MCUB: variants seen among roughly 807,000 people sequenced by gnomAD.
MCUB encodes the protein calcium uniporter regulatory subunit MCUb, mitochondrial.
MCUB carries 46 observed loss-of-function variants against 41.4 expected under a neutral mutation model. The observed-to-expected ratio is 1.11, with a 90% CI of 0.88 to 1.42. The LOEUF is 1.42. Ranked by LOEUF, MCUB falls within the 40% of genes most tolerant of loss-of-function variation. The pLI, the probability that MCUB is intolerant of heterozygous loss-of-function variation, is 0.00. For synonymous variants in MCUB, 148 were observed against 148.2 expected, an observed-to-expected ratio of 1.00 and a Z score of 0.01; for missense variants, 403 against 404.9, an observed-to-expected ratio of 1.00 and a Z score of 0.04.
intron 5 of MCUB, 85 bp downstream of exon 5, chr4:109,682,827 C>T (rs1729750452): frequency 2.0e-6 from 2 of 1,014,200 alleles, no homozygotes; most frequent in South Asian, 3.4e-5. Context: ...TTTCTGAATG[C>T]TTTCCATATG....
At chr4:109,664,531 C>G in intron 4 of MCUB, 137 bp downstream of exon 4, 1 of 556,046 alleles carries the variant, frequency 1.8e-6, no homozygotes, top group South Asian at 2.2e-5. Context: ...CTCAAACAAT[C>G]CTCCCACCTC....
At chr4:109,636,260 C>A (rs62326058) in intron 1 of MCUB, among the ~76,000 whole-genome samples, 35,742 of 152,022 alleles carry the variant, frequency 0.24, 4,914 homozygotes, top group South Asian at 0.34. Flanking sequence ...TGGGTAGATA[C>A]CCTAAAAGGT....
At chr4:109,563,571 A>G (rs543473772) in intron 1 of MCUB, among the ~76,000 whole-genome samples, 50 of 152,356 alleles carry the variant, frequency 3.3e-4, no homozygotes, top group Middle Eastern at 3.4e-3. Flanking sequence ...TGGAAAAGAC[A>G]TTGATGCTTT....
Position 109,619,030 on chromosome 4 carries a change from GCCTACCTACCTACCTACCTA to G in MCUB, c.100-39952_100-39933del, listed in dbSNP as rs762220634. The stretch of plus-strand genomic sequence containing the variant: ...TACCTACCTACCTATCTACCTGCCT[GCCTACCTACCTACCTACCTA>G]CCTACCTACCTACCTACCTACCTAC... On this transcript the variant is annotated intron_variant, in intron 1 of 7. Coordinates refer to ENST00000394650, the MANE Select transcript of MCUB (RefSeq NM_017918.5). 1.1e-3 allele frequency among the ~76,000 whole-genome samples: 135 copies of G among 118,802 alleles called. 2 individuals carry two copies. Among genetic ancestry groups the G allele is most frequent in the African/African-American group, 4.1e-3 (131 of 32,052 alleles). 77.9% of individuals were successfully genotyped at this position (118,802 alleles called of 152,430 possible).
chr4:109,653,720 G>T (rs1729015423), intron 1 of MCUB, among the ~76,000 whole-genome samples: 1 of 152,112 alleles, frequency 6.6e-6, no homozygotes, highest in Admixed American at 6.6e-5. Flanking sequence ...GGGACTACAG[G>T]CCTGCACCCT....
At chr4:109,564,031 T>C (rs181820562) in intron 1 of MCUB, among the ~76,000 whole-genome samples, 6 of 152,246 alleles carry the variant, frequency 3.9e-5, no homozygotes, top group Non-Finnish European at 8.8e-5. Flanking sequence ...CTCTCTAAAG[T>C]TTACCACAGC....
Position 109,666,582 on chromosome 4 carries a change from C to A in MCUB, c.451+2188C>A, listed in dbSNP as rs115878139. 2.9e-3 allele frequency among the ~76,000 whole-genome samples: 434 copies of A among 152,270 alleles called. 4 individuals carry two copies. Among genetic ancestry groups the A allele is most frequent in the Non-Finnish European group, 3.0e-3 (207 of 68,004 alleles). On this transcript the variant is annotated intron_variant, in intron 4 of 7. Transcript: ENST00000394650. ...ATCTCTTCATACGCCTATTTGCCATCTATGTCTTCTTTGTTGAGGTGTCTT... is the reference window on the plus strand; with the variant it reads ...ATCTCTTCATACGCCTATTTGCCATATATGTCTTCTTTGTTGAGGTGTCTT...
At chr4:109,672,090 T>A (rs1288185128) in intron 4 of MCUB, among the ~76,000 whole-genome samples, 3 of 151,868 alleles carry the variant, frequency 2.0e-5, no homozygotes, top group Admixed American at 6.6e-5. Flanking sequence ...ATATATATAT[T>A]TTTAATTGGG....
chr4:109,565,219 A>C (rs1302493350), intron 1 of MCUB, among the ~76,000 whole-genome samples: 3 of 152,232 alleles, frequency 2.0e-5, no homozygotes, highest in African/African-American at 7.2e-5. Context: ...CATAACATGC[A>C]TGGCATAGGT....
At position 109,585,798 on chromosome 4, in the gene MCUB, G is replaced by A. The variant is rs1194367443; in HGVS notation, c.99+25362G>A. On this transcript the variant is annotated intron_variant, in intron 1 of 7. Transcript: ENST00000394650. ...GGCCCCCACTGTTTTCTGGCTTGTAGAGTTTCTGCCGAGAGATCGGCTGTT... is the reference window on the plus strand; with the variant it reads ...GGCCCCCACTGTTTTCTGGCTTGTAAAGTTTCTGCCGAGAGATCGGCTGTT... Among the ~76,000 whole-genome samples, 6 of 152,234 alleles carry A rather than the reference G, an allele frequency of 3.9e-5. 1 individual carries two copies. Among genetic ancestry groups the A allele is most frequent in the African/African-American group, 1.4e-4 (6 of 41,458 alleles).
chr4:109,643,201 T>G (rs1018866608), intron 1 of MCUB, among the ~76,000 whole-genome samples: 6 of 152,150 alleles, frequency 3.9e-5, no homozygotes, highest in Admixed American at 3.3e-4. Flanking sequence ...TTTTCTTTTA[T>G]TTTTGAGATG....
chr4:109,607,122 T>C (rs545016006), intron 1 of MCUB, among the ~76,000 whole-genome samples: 3 of 152,122 alleles, frequency 2.0e-5, no homozygotes, highest in African/African-American at 7.2e-5. Context: ...CACACAATTA[T>C]AGTGTTATAA....
At chr4:109,626,808 T>G (rs1728369243) in intron 1 of MCUB, among the ~76,000 whole-genome samples, 2 of 106,696 alleles carry the variant, frequency 1.9e-5, no homozygotes, top group South Asian at 3.3e-4. Flanking sequence ...GTGACAAGAG[T>G]GAGAGTCCGA....
At chr4:109,656,812 T>C (rs1428994802) in intron 1 of MCUB, among the ~76,000 whole-genome samples, 1 of 152,226 alleles carries the variant, frequency 6.6e-6, no homozygotes, top group Admixed American at 6.5e-5. Flanking sequence ...TATTGTAATA[T>C]CCATTATCCA....
intron 1 of MCUB, among the ~76,000 whole-genome samples, chr4:109,633,774 C>T (rs993791437): frequency 2.0e-5 from 3 of 152,200 alleles, no homozygotes; most frequent in South Asian, 2.1e-4. Flanking sequence ...CTGGCTAGAC[C>T]GCCATGTAGA....
chr4:109,633,446 T>C (rs1454082158), intron 1 of MCUB, among the ~76,000 whole-genome samples: 1 of 152,052 alleles, frequency 6.6e-6, no homozygotes, highest in African/African-American at 2.4e-5. Context: ...TTTTTTTGTA[T>C]TTTTAGTAGA....
In MCUB at chr4:109,687,565, A is replaced by G. The variant is rs147859331; in HGVS notation, c.984A>G (p.Gln328=). ...QARHSLCLQM[Q]VEELNEKN The stretch of plus-strand genomic sequence containing the variant: ...GTCATTCTCTCTGTTTGCAAATGCA[A>G]GTAGAAGAACTCAATGAAAAGAATT... The change falls in exon 8 of 8, where the codon CAA becomes CAG. Residue 328 remains glutamine (Q), a synonymous_variant. Coordinates refer to ENST00000394650, the MANE Select transcript of MCUB (RefSeq NM_017918.5). 6.2e-6 allele frequency: 10 copies of G among 1,611,432 alleles called. No homozygotes were observed. The highest frequency in any genetic ancestry group is 4.0e-5 in the African/African-American group (3 of 74,886).
chr4:109,658,592 C>T (rs1257039622), intron 1 of MCUB, among the ~76,000 whole-genome samples: 12 of 152,236 alleles, frequency 7.9e-5, no homozygotes, highest in Non-Finnish European at 1.8e-4. Flanking sequence ...CCACCATGCC[C>T]GGCCCGATTC....
At chr4:109,671,401 G>A (rs1213066292) in intron 4 of MCUB, among the ~76,000 whole-genome samples, 2 of 152,086 alleles carry the variant, frequency 1.3e-5, no homozygotes, top group East Asian at 3.9e-4. Context: ...TAGATATTTT[G>A]TTAGGTTTTT....
Sources: gnomAD v4.1 joint callset for allele counts (sites outside exome capture counted in the v4.1 genomes callset) on GRCh38, gnomAD v4.1.1 for gene constraint, MANE v1.5 for transcripts, NCBI Gene and HGNC (gene_info 2026-07-23, HGNC 2026-07-21) for gene names.